PPP6R3: variants seen among roughly 807,000 people sequenced by gnomAD.
The protein encoded by PPP6R3 is protein phosphatase 6 regulatory subunit 3.
In PPP6R3, 38 loss-of-function variants were observed where a neutral mutation model predicts 110.7. The ratio of observed to expected loss-of-function variants is 0.34; its 90% CI spans 0.26 to 0.45. The LOEUF (loss-of-function observed/expected upper bound fraction) is 0.45, where lower values mean the gene tolerates loss of function less well. PPP6R3 is among the 20% of genes least tolerant of loss of function. The pLI is 1.00. For missense variants in PPP6R3, 870 were observed against 1,062.4 expected, an observed-to-expected ratio of 0.82 and a Z score of 2.52; for synonymous variants, 369 against 373.5, an observed-to-expected ratio of 0.99 and a Z score of 0.14.
Position 68,583,035 on chromosome 11 carries a change from G to A in PPP6R3, c.1546-8G>A. 2 of 1,490,654 alleles carry A rather than the reference G, an allele frequency of 1.3e-6. No homozygotes were observed. The highest frequency in any genetic ancestry group is 1.8e-6 in the Non-Finnish European group (2 of 1,105,942). 92.3% of individuals were successfully genotyped at this position (1,490,654 alleles called of 1,614,324 possible). A position where few individuals can be genotyped will look rare whatever the true frequency, so the allele number is the denominator to read the frequency against. Reference sequence around the variant, plus strand: ...GTTAAATAGTCTTTTACATTTTTATGCATATAGGTTACAACCTGCCATATT... The same window carrying A: ...GTTAAATAGTCTTTTACATTTTTATACATATAGGTTACAACCTGCCATATT... On this transcript the variant is annotated splice_polypyrimidine_tract_variant and splice_region_variant and intron_variant, in intron 14 of 23. Transcript: ENST00000393800.
At chr11:68,543,909 T>C (rs1229138335) in intron 3 of PPP6R3, among the ~76,000 whole-genome samples, 3 of 152,156 alleles carry the variant, frequency 2.0e-5, no homozygotes, top group Admixed American at 2.0e-4. Flanking sequence ...GGTCTGGTTG[T>C]CAGAGGCAAG....
rs143817915 is a variant in PPP6R3, at chr11:68,609,942, G to A, written c.2489G>A (p.Cys830Tyr). 7.4e-6 allele frequency: 12 copies of A among 1,614,068 alleles called. No individual in the cohort carries two copies. The African/African-American group carries it at 1.2e-4, about 16-fold the overall frequency. The change falls in exon 23 of 24, where the codon TGT (cysteine) becomes TAT (tyrosine). Residue 830 changes from cysteine (C) to tyrosine (Y), a missense_variant. Transcript: ENST00000393800. Reference sequence around the variant, plus strand: ...CTGTCTACCTCTCAAGATGCTGCTTGTAAAGACGCAGAGGAGTGTCCCGAG... The same window carrying A: ...CTGTCTACCTCTCAAGATGCTGCTTATAAAGACGCAGAGGAGTGTCCCGAG... The part of the protein sequence containing the change: ...GKLSTSQDAA[C>Y]KDAEECPETA...
At chr11:68,503,311 C>G (rs1023805078) in intron 1 of PPP6R3, among the ~76,000 whole-genome samples, 1 of 152,192 alleles carries the variant, frequency 6.6e-6, no homozygotes, top group Non-Finnish European at 1.5e-5. Flanking sequence ...TTGAATCTCC[C>G]AGCGCTTTGT....
rs1944595750 is a variant in PPP6R3, at chr11:68,613,806, A to G, written c.*689A>G. On this transcript the variant is annotated 3_prime_UTR_variant, in exon 24 of 24. Transcript: ENST00000393800. ...GATAAATTGATGTTATCGTAAAGCCATATGTTCTGTTCAAGTCTTGTTTGC... is the reference window on the plus strand; with the variant it reads ...GATAAATTGATGTTATCGTAAAGCCGTATGTTCTGTTCAAGTCTTGTTTGC... The G allele has an allele frequency of 4.1e-6, 4 of 985,212 alleles. No individual in the cohort carries two copies. The highest frequency in any genetic ancestry group is 4.8e-6 in the Non-Finnish European group (4 of 829,606). The allele number at this position is 985,212 out of a possible 1,614,324, so 61.0% of individuals were successfully genotyped here.
intron 15 of PPP6R3, 193 bp from the exon 16 acceptor site, chr11:68,587,734 A>G: frequency 3.0e-6 from 2 of 663,746 alleles, no homozygotes; most frequent in Non-Finnish European, 2.7e-6. Flanking sequence ...TGATTTGTAG[A>G]CCAAATTTCA....
At chr11:68,590,596 A>G in intron 16 of PPP6R3, 64 bp from the exon 17 acceptor site, 1 of 1,457,216 alleles carries the variant, frequency 6.9e-7, no homozygotes, top group Non-Finnish European at 9.2e-7. Flanking sequence ...AACTTTCATA[A>G]ATACGGTTTC....
chr11:68,554,016 C>G, intron 6 of PPP6R3, 129 bp from the exon 7 acceptor site: 1 of 661,416 alleles, frequency 1.5e-6, no homozygotes, highest in Non-Finnish European at 2.5e-6. Context: ...TTGGCCTTGA[C>G]CTTTTGCGCA....
chr11:68,461,048 CGCCAGGACGGGCGCCGGG>C, intron 1 of PPP6R3, among the ~76,000 whole-genome samples: 1 of 151,758 alleles, frequency 6.6e-6, no homozygotes, highest in South Asian at 2.1e-4. Context: ...CCGGGGGCCC[CGCCAGGACGGGCGCCGGG>C]AGCGGGACGC....
At chr11:68,494,141 A>AT (rs1272814129) in intron 1 of PPP6R3, among the ~76,000 whole-genome samples, 57 of 150,748 alleles carry the variant, frequency 3.8e-4, no homozygotes, top group Admixed American at 1.2e-3. Context: ...AGATAATTAG[A>AT]TTTTTTTTGT....
intron 19 of PPP6R3, among the ~76,000 whole-genome samples, chr11:68,597,923 T>A (rs758373740): frequency 6.6e-6 from 1 of 151,352 alleles, no homozygotes; most frequent in African/African-American, 2.4e-5. Flanking sequence ...GAGCTTACAG[T>A]GAGCCAAGAT....
intron 1 of PPP6R3, among the ~76,000 whole-genome samples, chr11:68,464,383 C>A (rs1222045844): frequency 6.6e-6 from 1 of 152,178 alleles, no homozygotes; most frequent in Non-Finnish European, 1.5e-5. Flanking sequence ...CCCGCCTCGG[C>A]CTCCCAAAGT....
intron 1 of PPP6R3, among the ~76,000 whole-genome samples, chr11:68,518,045 T>C (rs1219841884): frequency 6.6e-6 from 1 of 152,190 alleles, no homozygotes; most frequent in Non-Finnish European, 1.5e-5. Context: ...AGTTTGAATG[T>C]CAGGAGGAAC....
At position 68,596,234 on chromosome 11, in the gene PPP6R3, C is replaced by G. The variant is rs763992411; in HGVS notation, c.2038+16C>G. ...CTGAGTGAACGTAAGTGGATTCATT[C>G]TTCAGATCAGCTGCCCTGTGTTGGA... On this transcript the variant is annotated intron_variant, in intron 19 of 23. Coordinates refer to ENST00000393800, the MANE Select transcript of PPP6R3 (RefSeq NM_001164161.2). 5 of 1,614,108 alleles carry G rather than the reference C, an allele frequency of 3.1e-6. No individual in the cohort carries two copies. Among genetic ancestry groups the G allele is most frequent in the Non-Finnish European group, 4.2e-6 (5 of 1,179,980 alleles).
intron 7 of PPP6R3, 97 bp from the exon 8 acceptor site, chr11:68,558,469 C>A: frequency 2.8e-6 from 2 of 714,252 alleles, no homozygotes; most frequent in East Asian, 5.4e-5. Context: ...CAAGTATGAA[C>A]TCTTCAGTGA....
intron 1 of PPP6R3, among the ~76,000 whole-genome samples, chr11:68,510,575 A>T (rs1278688039): frequency 6.6e-6 from 1 of 151,994 alleles, no homozygotes; most frequent in East Asian, 1.9e-4. Flanking sequence ...GGCTCAGGTG[A>T]TCCTCCTGCC....
chr11:68,570,977 G>A, intron 11 of PPP6R3, 63 bp from the exon 12 acceptor site: 1 of 1,532,640 alleles, frequency 6.5e-7, no homozygotes, highest in African/African-American at 1.4e-5. Flanking sequence ...CTAGAGTTCT[G>A]TTTCACTTTA....
At chr11:68,573,114 T>TTTTATTTATA (rs1397314086) in intron 12 of PPP6R3, among the ~76,000 whole-genome samples, 1 of 61,798 alleles carries the variant, frequency 1.6e-5, no homozygotes, top group East Asian at 8.8e-4. Context: ...TTTACTTATT[T>TTTTATTTATA]TATATATATA....
intron 15 of PPP6R3, chr11:68,586,755 A>G (rs1490804340): frequency 6.6e-6 from 1 of 152,234 alleles, no homozygotes; most frequent in Non-Finnish European, 1.5e-5. Flanking sequence ...TCCATGCCAT[A>G]ATTCCCTGCC....
intron 3 of PPP6R3, 51 bp from the exon 4 acceptor site, chr11:68,544,787 T>C: frequency 7.8e-7 from 1 of 1,275,546 alleles, no homozygotes; most frequent in Non-Finnish European, 1.1e-6. Flanking sequence ...TTTATCTTTA[T>C]GTAATTAAAC....
Sources: allele counts gnomAD v4.1 joint callset (sites outside exome capture counted in the v4.1 genomes callset), GRCh38; gene constraint gnomAD v4.1.1; transcripts MANE v1.5; gene names NCBI Gene and HGNC (gene_info 2026-07-23, HGNC 2026-07-21).